The following SPMIP7 variants were observed in gnomAD, a reference collection of about 807,000 sequenced individuals.
SPMIP7 encodes protein SPMIP7.
chr7:50,131,754 G>A, the SPMIP7 span, among the ~76,000 whole-genome samples: 1 of 152,240 alleles, frequency 6.6e-6, no homozygotes, highest in East Asian at 1.9e-4. Context: ...GGTCAAGTGG[G>A]ATGAGGCCCA....
chr7:50,117,286 A>G, the SPMIP7 span: 1 of 456,146 alleles, frequency 2.2e-6, no homozygotes, highest in Admixed American at 2.4e-5. Context: ...GGCCAATCAC[A>G]TATTATAGCC....
the SPMIP7 span, chr7:50,096,179 T>A: frequency 1.4e-5 from 21 of 1,551,510 alleles, no homozygotes; most frequent in Middle Eastern, 3.3e-4. Flanking sequence ...TTACCCACAC[T>A]ATTGTGATCT....
At chr7:50,103,757 T>C in the SPMIP7 span, among the ~76,000 whole-genome samples, 1 of 152,222 alleles carries the variant, frequency 6.6e-6, no homozygotes, top group Admixed American at 6.5e-5. Flanking sequence ...ATCCTTCCTA[T>C]GCACCCCCAC....
chr7:50,147,741 TG>T, the SPMIP7 span, among the ~76,000 whole-genome samples: 2 of 152,234 alleles, frequency 1.3e-5, no homozygotes, highest in African/African-American at 4.8e-5. Flanking sequence ...TTATCATGTT[TG>T]GTTGAGAACC....
chr7:50,096,695 G>T, the SPMIP7 span: 2 of 1,309,736 alleles, frequency 1.5e-6, no homozygotes, highest in Non-Finnish European at 1.0e-6. Context: ...AGAGAGTATG[G>T]ACATAAGATT....
At chr7:50,101,149 T>C in the SPMIP7 span, among the ~76,000 whole-genome samples, 126,018 of 152,020 alleles carry the variant, frequency 0.83, 52,272 homozygotes, top group East Asian at 0.88. Flanking sequence ...TTACTTCCCA[T>C]GTTGACATTG....
the SPMIP7 span, among the ~76,000 whole-genome samples, chr7:50,100,812 A>AAATAAATAAAT: frequency 1.6e-4 from 22 of 139,328 alleles, no homozygotes; most frequent in Middle Eastern, 3.8e-3. Flanking sequence ...ATGCCGTCCA[A>AAATAAATAAAT]AAATAAATAA....
the SPMIP7 span, among the ~76,000 whole-genome samples, chr7:50,096,951 A>G: frequency 6.6e-6 from 1 of 152,364 alleles, no homozygotes; most frequent in East Asian, 1.9e-4. Flanking sequence ...ATAATTGTAT[A>G]GAAATCCTCC....
At chr7:50,145,862 T>G in the SPMIP7 span, among the ~76,000 whole-genome samples, 1 of 151,214 alleles carries the variant, frequency 6.6e-6, no homozygotes, top group Non-Finnish European at 1.5e-5. Context: ...GCCTATGAGG[T>G]ACCATCCTCC....
chr7:50,116,147 G>C, the SPMIP7 span, among the ~76,000 whole-genome samples: 1 of 152,112 alleles, frequency 6.6e-6, no homozygotes, highest in Admixed American at 6.6e-5. Context: ...ACAGAGTCCT[G>C]CTTTGTCACC....
the SPMIP7 span, among the ~76,000 whole-genome samples, chr7:50,147,487 C>T: frequency 6.6e-6 from 1 of 152,226 alleles, no homozygotes; most frequent in South Asian, 2.1e-4. Flanking sequence ...AGTCAATTTA[C>T]ATCAAGCATT....
the SPMIP7 span, among the ~76,000 whole-genome samples, chr7:50,107,016 C>G: frequency 6.6e-6 from 1 of 152,112 alleles, no homozygotes; most frequent in East Asian, 1.9e-4. Flanking sequence ...GTGGGCGGAT[C>G]ACCTGAGGTC....
At chr7:50,104,240 TA>T in the SPMIP7 span, 3 of 636,464 alleles carry the variant, frequency 4.7e-6, no homozygotes, top group East Asian at 9.4e-5. Flanking sequence ...CTTCTAATAG[TA>T]AATATTTCTG....
chr7:50,097,656 A>G, the SPMIP7 span, among the ~76,000 whole-genome samples: 1 of 147,752 alleles, frequency 6.8e-6, no homozygotes, highest in Non-Finnish European at 1.5e-5. Context: ...AAACTTCATA[A>G]GATAATAAGT....
chr7:50,114,799 G>T, the SPMIP7 span, among the ~76,000 whole-genome samples: 3 of 152,148 alleles, frequency 2.0e-5, no homozygotes, highest in Admixed American at 2.0e-4. Context: ...GGACGCTGAG[G>T]AGAGTGGACC....
At chr7:50,112,731 G>A in the SPMIP7 span, among the ~76,000 whole-genome samples, 8 of 152,170 alleles carry the variant, frequency 5.3e-5, no homozygotes, top group African/African-American at 1.7e-4. Flanking sequence ...CTTGCTTCCT[G>A]GGGGCAGTTT....
chr7:50,130,151 C>CT, the SPMIP7 span, among the ~76,000 whole-genome samples: 6 of 152,088 alleles, frequency 3.9e-5, no homozygotes, highest in Admixed American at 3.9e-4. Context: ...AGACTATGAG[C>CT]TACATCAGTG....
the SPMIP7 span, among the ~76,000 whole-genome samples, chr7:50,145,640 A>G: frequency 5.6e-3 from 613 of 108,744 alleles, 49 homozygotes; most frequent in African/African-American, 0.019. Context: ...ATATATATAT[A>G]TATATATATA....
At chr7:50,105,786 G>T in the SPMIP7 span, among the ~76,000 whole-genome samples, 1 of 151,974 alleles carries the variant, frequency 6.6e-6, no homozygotes, top group Non-Finnish European at 1.5e-5. Context: ...TGATTGCAAG[G>T]GTAATGAAAA....
Sources: gnomAD v4.1 joint callset for allele counts (sites outside exome capture counted in the v4.1 genomes callset) on GRCh38, gnomAD v4.1.1 for gene constraint, MANE v1.5 for transcripts, NCBI Gene and HGNC (gene_info 2026-07-23, HGNC 2026-07-21) for gene names.